CLVS1: variants seen among roughly 807,000 people sequenced by gnomAD.
CLVS1 encodes clavesin-1.
A neutral mutation model predicts 33.1 loss-of-function variants in CLVS1; 10 were observed. The ratio of observed to expected loss-of-function variants is 0.30; its 90% confidence interval spans 0.19 to 0.51. The LOEUF (loss-of-function observed/expected upper bound fraction) is 0.51, where lower values mean the gene tolerates loss of function less well. CLVS1 is among the 20% of genes least tolerant of loss of function. The probability of loss-of-function intolerance (pLI) is 0.97; values close to 1 mark genes in which losing one functional copy is unlikely to be tolerated. For missense variants in CLVS1, 343 were observed against 433.4 expected, an observed-to-expected ratio of 0.79 and a Z score of 1.85; for synonymous variants, 163 against 166.1, an observed-to-expected ratio of 0.98 and a Z score of 0.14.
In CLVS1 at chr8:61,369,033, C is replaced by T. The variant is rs370705350; in HGVS notation, c.456-7572C>T. Among the ~76,000 whole-genome samples the T allele has an allele frequency of 2.1e-3, 326 of 151,820 alleles. 2 individuals carry two copies. Among genetic ancestry groups the T allele is most frequent in the African/African-American group, 7.2e-3 (297 of 41,406 alleles). ...CTCCCTCCCCTCTTCTTTCTCTCCC[C>T]GTCTTTCTTCCTTTTCGCTTTTCTC... On this transcript the variant is annotated intron_variant, in intron 2 of 5. Coordinates refer to ENST00000325897, the MANE Select transcript of CLVS1 (RefSeq NM_173519.3).
chr8:61,364,374 A>C (rs571701078), intron 2 of CLVS1, among the ~76,000 whole-genome samples: 30 of 152,348 alleles, frequency 2.0e-4, no homozygotes, highest in Non-Finnish European at 4.4e-5. Flanking sequence ...GTCTTGAGGA[A>C]GATAAACTGT....
chr8:61,025,003 A>G, the CLVS1 span, among the ~76,000 whole-genome samples: 76 of 151,774 alleles, frequency 5.0e-4, no homozygotes, highest in African/African-American at 1.8e-3. Context: ...ATGTGCCACC[A>G]CGCCCGGCTA....
intron 5 of CLVS1, among the ~76,000 whole-genome samples, chr8:61,483,229 AATAGATGC>A (rs1803736105): frequency 2.0e-5 from 3 of 152,232 alleles, no homozygotes; most frequent in African/African-American, 7.2e-5. Flanking sequence ...AGAAGAATCA[AATAGATGC>A]AATAAAAAAT....
chr8:61,131,011 C>G (rs943778714), intron 1 of CLVS1, among the ~76,000 whole-genome samples: 23 of 152,208 alleles, frequency 1.5e-4, no homozygotes, highest in African/African-American at 5.1e-4. Flanking sequence ...GTCACGGGCT[C>G]TTTTCTACTT....
At chr8:61,115,854 T>C (rs1400632141) in intron 1 of CLVS1, among the ~76,000 whole-genome samples, 8 of 147,764 alleles carry the variant, frequency 5.4e-5, no homozygotes, top group Admixed American at 2.0e-4. Context: ...TGTGTCTTTA[T>C]AGCAGCATGA....
At chr8:61,158,711 C>T (rs1167903010) in intron 2 of CLVS1, among the ~76,000 whole-genome samples, 1 of 151,490 alleles carries the variant, frequency 6.6e-6, no homozygotes, top group African/African-American at 2.4e-5. Context: ...AAAGATCTCA[C>T]TTGAAATGGA....
intron 2 of CLVS1, among the ~76,000 whole-genome samples, chr8:61,337,726 A>G (rs1811857018): frequency 6.6e-6 from 1 of 152,212 alleles, no homozygotes; most frequent in African/African-American, 2.4e-5. Context: ...AAAAGGAGGA[A>G]ACTGAACACC....
At chr8:61,362,417 T>A (rs1464323621) in intron 2 of CLVS1, among the ~76,000 whole-genome samples, 1 of 152,092 alleles carries the variant, frequency 6.6e-6, no homozygotes, top group South Asian at 2.1e-4. Context: ...GACCTAGGAG[T>A]CGGGAACCTT....
At chr8:61,033,073 AGGAAGGAAGGAAGG>A in the CLVS1 span, among the ~76,000 whole-genome samples, 6 of 131,698 alleles carry the variant, frequency 4.6e-5, 1 homozygote, top group East Asian at 2.2e-4. Context: ...GAAAGAAAGA[AGGAAGGAAGGAAGG>A]AAAGAAAGAA....
intron 1 of CLVS1, among the ~76,000 whole-genome samples, chr8:61,291,804 A>T (rs773008629): frequency 2.6e-5 from 4 of 152,108 alleles, no homozygotes; most frequent in African/African-American, 4.8e-5. Flanking sequence ...TATGAGTGCC[A>T]TTGCTCCATA....
At chr8:61,024,440 G>A in the CLVS1 span, among the ~76,000 whole-genome samples, 10 of 152,328 alleles carry the variant, frequency 6.6e-5, no homozygotes, top group African/African-American at 1.4e-4. Flanking sequence ...CTTCAGTAAA[G>A]TTCCATGAGT....
chr8:61,190,165 C>G (rs1156393013), intron 2 of CLVS1, among the ~76,000 whole-genome samples: 1 of 152,174 alleles, frequency 6.6e-6, no homozygotes, highest in East Asian at 1.9e-4. Context: ...GAAATTATAA[C>G]AAACTGTCTC....
chr8:61,173,761 T>C (rs189976261), intron 2 of CLVS1, among the ~76,000 whole-genome samples: 1 of 152,152 alleles, frequency 6.6e-6, no homozygotes, highest in African/African-American at 2.4e-5. Context: ...GAATTGTGTA[T>C]AGAGGAAACT....
intron 1 of CLVS1, among the ~76,000 whole-genome samples, chr8:61,118,523 C>G (rs1398332871): frequency 4.7e-5 from 7 of 150,238 alleles, no homozygotes; most frequent in Admixed American, 4.6e-4. Flanking sequence ...CTATAAATTT[C>G]CCTCTACACA....
the CLVS1 span, among the ~76,000 whole-genome samples, chr8:61,021,405 C>G: frequency 6.6e-6 from 1 of 152,156 alleles, no homozygotes; most frequent in Admixed American, 6.6e-5. Flanking sequence ...GGCTGGAGTG[C>G]AATGGCGCGA....
chr8:60,972,127 CTG>C, the CLVS1 span, among the ~76,000 whole-genome samples: 8 of 152,224 alleles, frequency 5.3e-5, no homozygotes, highest in Middle Eastern at 3.4e-3. Context: ...GTCTTTGTAA[CTG>C]TCTTTCTCTC....
intron 2 of CLVS1, among the ~76,000 whole-genome samples, chr8:61,354,559 C>A (rs753844044): frequency 2.6e-5 from 4 of 151,926 alleles, no homozygotes; most frequent in Non-Finnish European, 4.4e-5. Context: ...TTTGTAATAG[C>A]CAAAACCCAA....
In CLVS1 at chr8:61,308,264, A is replaced by G. The variant is rs1039453239; in HGVS notation, c.455+7982A>G. 3.3e-5 allele frequency among the ~76,000 whole-genome samples: 5 copies of G among 152,204 alleles called. 1 individual carries two copies. Among genetic ancestry groups the G allele is most frequent in the African/African-American group, 9.7e-5 (4 of 41,446 alleles). On this transcript the variant is annotated intron_variant, in intron 2 of 5. Transcript: ENST00000325897. ...ATAAAAATAGTTTCAGGAGGAGAAG[A>G]CACTTTCTAGTCAAGAAGCAATATG...
chr8:61,257,416 C>G (rs1363430277), intron 2 of CLVS1, among the ~76,000 whole-genome samples: 5 of 152,184 alleles, frequency 3.3e-5, no homozygotes, highest in Middle Eastern at 3.2e-3. Flanking sequence ...ACCAGAAACA[C>G]TTAAATTATA....
Sources: gnomAD v4.1 joint callset for allele counts (sites outside exome capture counted in the v4.1 genomes callset) on GRCh38, gnomAD v4.1.1 for gene constraint, MANE v1.5 for transcripts, NCBI Gene and HGNC (gene_info 2026-07-23, HGNC 2026-07-21) for gene names.